CECR2: variants seen among roughly 807,000 people sequenced by gnomAD.
The protein encoded by CECR2 is chromatin remodeling regulator CECR2.
CECR2 carries 30 observed loss-of-function variants against 154.5 expected under a neutral mutation model. The observed-to-expected ratio is 0.19, with a 90% confidence interval of 0.15 to 0.26. The LOEUF is 0.26. Ranked by LOEUF, CECR2 falls within the 10% of genes least tolerant of loss-of-function variation. The pLI is 1.00. For synonymous variants in CECR2, 725 were observed against 683.7 expected (o/e 1.06, Z -0.94); for missense variants, 1,743 against 1,829.3 (o/e 0.95, Z 0.86).
At chr22:17,364,821 C>T (rs572291335), upstream of CECR2, among the ~76,000 whole-genome samples, 7 of 151,426 alleles carry the variant, frequency 4.6e-5, no homozygotes, top group South Asian at 6.3e-4. Context: ...AGGGAGATTC[C>T]GTCTCAAAAA....
chr22:17,532,590 A>G (rs9617593), intron 9 of CECR2, among the ~76,000 whole-genome samples: 4 of 151,980 alleles, frequency 2.6e-5, no homozygotes, highest in Admixed American at 6.6e-5. Context: ...CGAAAAATAC[A>G]TAGGTATGTA....
At chr22:17,399,345 T>C (rs988053642) in intron 1 of CECR2, among the ~76,000 whole-genome samples, 1 of 152,132 alleles carries the variant, frequency 6.6e-6, no homozygotes, top group Non-Finnish European at 1.5e-5. Flanking sequence ...GTCCAAAGTC[T>C]TCTCCTGGGA....
intron 1 of CECR2, among the ~76,000 whole-genome samples, chr22:17,362,360 T>C (rs2062981315): frequency 6.6e-6 from 1 of 152,128 alleles, no homozygotes; most frequent in African/African-American, 2.4e-5. Context: ...ATCAATAATT[T>C]AGAGGGGCCA....
chr22:17,489,566 C>T (rs962525009), intron 2 of CECR2, among the ~76,000 whole-genome samples: 10 of 152,276 alleles, frequency 6.6e-5, no homozygotes, highest in East Asian at 1.9e-4. Flanking sequence ...AACAGTCCTC[C>T]GGCTTCAGCC....
chr22:17,393,304 G>A (rs137961021), intron 1 of CECR2, among the ~76,000 whole-genome samples: 1 of 152,172 alleles, frequency 6.6e-6, no homozygotes, highest in Non-Finnish European at 1.5e-5. Flanking sequence ...TTTTCATTTA[G>A]CATAATGTTT....
chr22:17,430,560 TCTC>T (rs374238104), intron 1 of CECR2, among the ~76,000 whole-genome samples: 76 of 152,280 alleles, frequency 5.0e-4, no homozygotes, highest in African/African-American at 1.8e-3. Flanking sequence ...TGATTTTCCT[TCTC>T]CTTCTGCCAG....
chr22:17,456,158 G>T (rs1388320872), intron 1 of CECR2, among the ~76,000 whole-genome samples: 1 of 152,066 alleles, frequency 6.6e-6, no homozygotes, highest in Non-Finnish European at 1.5e-5. Flanking sequence ...GCAACACACT[G>T]AATAGTCTAC....
chr22:17,405,666 A>AT lies in CECR2; in HGVS notation c.126+35761dup, dbSNP rs1179597381. Among the ~76,000 whole-genome samples, 5 of 128,482 alleles carry AT rather than the reference A, an allele frequency of 3.9e-5. No individual in the cohort carries two copies. The South Asian group carries it at 7.4e-4, about 19-fold the overall frequency. 84.3% of individuals were successfully genotyped at this position (128,482 alleles called of 152,430 possible). A position where few individuals can be genotyped will look rare whatever the true frequency, so the allele number is the denominator to read the frequency against. ...AAAAAAAAAAAAAAAAAAAAAAAAA[A>AT]TTTTCAATTGTTTGCTAGTATTAGA... On this transcript the variant is annotated intron_variant, in intron 1 of 18. Coordinates refer to ENST00000262608, the MANE Select transcript of CECR2 (RefSeq NM_001290047.2).
In CECR2 at chr22:17,540,283, G is replaced by T. The variant is rs189398895; in HGVS notation, c.1496-129G>T. The T allele has an allele frequency of 5.6e-5, 45 of 805,454 alleles. No homozygotes were observed. The East Asian group carries it at 1.3e-3, about 23-fold the overall frequency. The allele number at this position is 805,454 out of a possible 1,614,324, so 49.9% of individuals were successfully genotyped here. A position where few individuals can be genotyped will look rare whatever the true frequency, so the allele number is the denominator to read the frequency against. On this transcript the variant is annotated intron_variant, in intron 13 of 18. Transcript: ENST00000262608. The stretch of plus-strand genomic sequence containing the variant: ...ATTAAACTCATAGATTACCCAGGTT[G>T]CATCTTCTATTTATTAGAATTGTCT...
chr22:17,438,571 TTGAA>T (rs1306968623), intron 1 of CECR2, among the ~76,000 whole-genome samples: 1 of 152,220 alleles, frequency 6.6e-6, no homozygotes, highest in Non-Finnish European at 1.5e-5. Context: ...CAGGACGGCT[TTGAA>T]TGAGGCCAAC....
At chr22:17,535,968 G>A (rs1449340521) in intron 9 of CECR2, among the ~76,000 whole-genome samples, 1 of 152,154 alleles carries the variant, frequency 6.6e-6, no homozygotes, top group Non-Finnish European at 1.5e-5. Context: ...AGAGGCTCAG[G>A]CCAGGCACCA....
chr22:17,408,940 C>T (rs1457554979), intron 1 of CECR2, among the ~76,000 whole-genome samples: 1 of 152,208 alleles, frequency 6.6e-6, no homozygotes, highest in Admixed American at 6.5e-5. Flanking sequence ...GTACCATTCT[C>T]TCCTAGCTTT....
intron 15 of CECR2, 94 bp downstream of exon 15, chr22:17,542,061 G>T (rs1339133883): frequency 6.4e-7 from 1 of 1,567,962 alleles, no homozygotes; most frequent in African/African-American, 1.4e-5. Flanking sequence ...TGTTCATTGC[G>T]TCCTTTCCCA....
rs116886064 is a variant in CECR2 at position 17,450,643 on chromosome 22, G to A, written c.127-26945G>A. 4.8e-3 allele frequency among the ~76,000 whole-genome samples: 731 copies of A among 152,282 alleles called. 3 individuals are homozygous for A. Among genetic ancestry groups the A allele is most frequent in the Admixed American group, 7.3e-3 (112 of 15,296 alleles). On this transcript the variant is annotated intron_variant, in intron 1 of 18. Transcript: ENST00000262608. ...CTATCTTTCCACAAATAATGTGTGC[G>A]TATACAACCATTATCTGTGTGGATG...
At chr22:17,408,891 G>T (rs1460103751) in intron 1 of CECR2, among the ~76,000 whole-genome samples, 3 of 152,096 alleles carry the variant, frequency 2.0e-5, no homozygotes, top group African/African-American at 4.8e-5. Flanking sequence ...GCTTAGTGGG[G>T]CCCACGAAAC....
chr22:17,443,011 A>G (rs2054607446), intron 1 of CECR2, among the ~76,000 whole-genome samples: 1 of 152,224 alleles, frequency 6.6e-6, no homozygotes, highest in South Asian at 2.1e-4. Context: ...GGAATAGTGG[A>G]ACCTTTTTCT....
chr22:17,536,998 C>G (rs1459557606), intron 9 of CECR2, 105 bp from the exon 10 acceptor site: 7 of 1,381,120 alleles, frequency 5.1e-6, no homozygotes, highest in African/African-American at 1.5e-5. Context: ...GCTTCATAAT[C>G]CTGCTTTGGT....
At chr22:17,446,715 C>T (rs1370437389) in intron 1 of CECR2, among the ~76,000 whole-genome samples, 3 of 148,732 alleles carry the variant, frequency 2.0e-5, no homozygotes, top group Non-Finnish European at 4.4e-5. Flanking sequence ...GACTTTGTCT[C>T]AAAAACAAAA....
intron 1 of CECR2, among the ~76,000 whole-genome samples, chr22:17,443,619 C>T (rs1053948508): frequency 2.0e-5 from 3 of 152,178 alleles, no homozygotes; most frequent in African/African-American, 7.2e-5. Context: ...CTGAAGTAGG[C>T]AGCGAGGACG....
Sources: gnomAD v4.1 joint callset for allele counts (sites outside exome capture counted in the v4.1 genomes callset) on GRCh38, gnomAD v4.1.1 for gene constraint, MANE v1.5 for transcripts, NCBI Gene and HGNC (gene_info 2026-07-23, HGNC 2026-07-21) for gene names.